ITGA7: variants seen among roughly 807,000 people sequenced by gnomAD.
ITGA7 encodes the protein integrin subunit alpha 7.
ITGA7 carries 84 observed loss-of-function variants against 131.6 expected under a neutral mutation model. That is an observed-to-expected ratio of 0.64 (90% CI 0.54 to 0.77). ITGA7 has a LOEUF of 0.77. Among genes scored for constraint, ITGA7 ranks in the 30% least tolerant of loss-of-function variants. The probability of loss-of-function intolerance (pLI) is 0.00; values close to 1 mark genes in which losing one functional copy is unlikely to be tolerated. For synonymous variants in ITGA7, 548 were observed against 600.7 expected, an observed-to-expected ratio of 0.91 and a Z score of 1.28; for missense variants, 1,399 against 1,482.9, an observed-to-expected ratio of 0.94 and a Z score of 0.93.
At chr12:55,687,145 G>C (rs1870331698) in intron 24 of ITGA7, among the ~76,000 whole-genome samples, 1 of 146,782 alleles carries the variant, frequency 6.8e-6, no homozygotes, top group Non-Finnish European at 1.5e-5. Context: ...TAAAATCCCT[G>C]AGAACGAGAT....
At chr12:55,693,351 T>C (rs775681179) in intron 19 of ITGA7, 34 bp from the exon 20 acceptor site, 8 of 1,401,360 alleles carry the variant, frequency 5.7e-6, no homozygotes, top group Non-Finnish European at 7.0e-6. Context: ...GGGAGAGACC[T>C]CAGTTTTTCT....
At chr12:55,716,067 C>G (rs539287589), upstream of ITGA7, 37 of 1,565,094 alleles carry the variant, frequency 2.4e-5, no homozygotes, top group East Asian at 7.7e-4. Flanking sequence ...CCCGGGGAGC[C>G]GAGGTGAGCG....
intron 3 of ITGA7, among the ~76,000 whole-genome samples, chr12:55,702,506 G>T (rs1874277821): frequency 1.3e-5 from 2 of 151,976 alleles, no homozygotes; most frequent in South Asian, 2.1e-4. Flanking sequence ...GGAGAGACAG[G>T]GTTTCGCCAT....
In ITGA7 at chr12:55,696,885, G is replaced by T. The variant is rs891075590; in HGVS notation, c.1737+14C>A. The T allele has an allele frequency of 5.6e-5, 91 of 1,613,994 alleles. No individual in the cohort carries two copies. Among genetic ancestry groups the T allele is most frequent in the Non-Finnish European group, 7.7e-5 (91 of 1,179,886 alleles). On this transcript the variant is annotated intron_variant, in intron 12 of 24. Transcript: ENST00000257879. ...ATGAAAATGACCCTCAGAAGCCAAG[G>T]GGTCAGTGTCCACCTGGAGCTGGAA...
chr12:55,693,403 T>G, intron 19 of ITGA7, 86 bp from the exon 20 acceptor site: 1 of 1,204,600 alleles, frequency 8.3e-7, no homozygotes, highest in African/African-American at 1.5e-5. Context: ...AGGATCTATG[T>G]TGCCCAGGCT....
chr12:55,703,969 T>G (rs1874638113), intron 1 of ITGA7, among the ~76,000 whole-genome samples: 1 of 152,350 alleles, frequency 6.6e-6, no homozygotes, highest in Middle Eastern at 3.4e-3. Context: ...TACAACTTTC[T>G]TGGCAGGACA....
At chr12:55,695,189 G>C in intron 14 of ITGA7, 2 of 605,616 alleles carry the variant, frequency 3.3e-6, no homozygotes, top group South Asian at 3.9e-5. Context: ...CCTTGGCCAA[G>C]TAACTTAACC....
upstream of ITGA7, chr12:55,715,933 C>T (rs1408750992): frequency 1.6e-6 from 2 of 1,268,350 alleles, no homozygotes; most frequent in East Asian, 5.4e-5. Flanking sequence ...AACTAAGCTC[C>T]CAATAAAGAA....
upstream of ITGA7, among the ~76,000 whole-genome samples, chr12:55,709,246 G>A (rs1231622312): frequency 6.6e-6 from 1 of 151,954 alleles, no homozygotes; most frequent in Non-Finnish European, 1.5e-5. Flanking sequence ...ATATTCTTAC[G>A]ATTCTTTCTT....
At position 55,697,996 on chromosome 12, in the gene ITGA7, T is replaced by A. The variant is rs371155810; in HGVS notation, c.1223A>T (p.Asp408Val). The change falls in exon 8 of 25, where the codon GAT (aspartate) becomes GTT (valine). Residue 408 changes from aspartate (D) to valine (V), a missense_variant. Coordinates refer to ENST00000257879, the MANE Select transcript of ITGA7 (RefSeq NM_002206.3). ...CCCATGGTAGATGAAGACTTTCCCATCACCATCAAAGGGGGCACCCACTGC... is the reference window on the plus strand; with the variant it reads ...CCCATGGTAGATGAAGACTTTCCCAACACCATCAAAGGGGGCACCCACTGC... ...DIAVGAPFDG[D>V]GKVFIYHGSS... 1 of 1,614,016 alleles carries A rather than the reference T, an allele frequency of 6.2e-7. No homozygotes were observed. The highest frequency in any genetic ancestry group is 1.3e-5 in the African/African-American group (1 of 74,976).
chr12:55,688,153 C>T, intron 23 of ITGA7, 49 bp downstream of exon 23: 1 of 1,613,800 alleles, frequency 6.2e-7, no homozygotes, highest in East Asian at 2.2e-5. Context: ...CTGGAGGGAG[C>T]AGGAAAGAAG....
rs61094294 is a variant in ITGA7 at position 55,695,743 on chromosome 12, G to A, written c.1888-106C>T. The A allele has an allele frequency of 0.019, 14,501 of 779,248 alleles. 1,083 individuals are homozygous for A. Among genetic ancestry groups the A allele is most frequent in the African/African-American group, 0.18 (10,866 of 58,990 alleles). 48.3% of individuals were successfully genotyped at this position (779,248 alleles called of 1,614,324 possible). ...AGAGTATCACAGGATTAAACAACCT[G>A]TCCTCAACTCTCAGATCTGCTGCTT... is the stretch of plus-strand genomic sequence containing the variant. On this transcript the variant is annotated intron_variant, in intron 13 of 24. Transcript: ENST00000257879.
At position 55,701,142 on chromosome 12, in the gene ITGA7, G is replaced by A. The variant is rs17854600; in HGVS notation, c.427C>T (p.Arg143Ter). The change falls in exon 4 of 25, where the codon CGA becomes TGA. Residue 143 changes from arginine (R) to a stop codon, truncating the protein, a stop_gained. Coordinates refer to ENST00000257879, the MANE Select transcript of ITGA7 (RefSeq NM_002206.3). LOFTEE classifies it high-confidence loss of function. ...TCCACTCGCTGCCTTGCCTCATATC[G>A]GTGTGCACAGGTCTGGGGGAGGAAG... ...PGGKIVTCAH[R>*]YEARQRVDQI... is the part of the protein sequence containing the mutation. 32 of 1,614,068 alleles carry A rather than the reference G, an allele frequency of 2.0e-5. 1 individual carries two copies. The African/African-American group carries it at 2.0e-4, about 10-fold the overall frequency.
At chr12:55,698,170 T>C (rs1381596926) in intron 7 of ITGA7, 144 bp from the exon 8 acceptor site, 22 of 888,668 alleles carry the variant, frequency 2.5e-5, no homozygotes, top group Non-Finnish European at 3.2e-5. Flanking sequence ...TACATCATCT[T>C]TAATCCTCTT....
In ITGA7 at chr12:55,694,578, A is replaced by G. The variant is rs374328052; in HGVS notation, c.2277+37T>C. 1.9e-6 allele frequency: 3 copies of G among 1,612,772 alleles called. No homozygotes were observed. Among genetic ancestry groups the G allele is most frequent in the African/African-American group, 1.3e-5 (1 of 74,866 alleles). ...AGGGGTGGTCTACGGGCTTATGGAG[A>G]GGCTACTCACGTAGGGATAAGGGCA... On this transcript the variant is annotated intron_variant, in intron 16 of 24. Transcript: ENST00000257879. The surrounding 1 kb of genome is among the most constrained non-coding windows in gnomAD (Gnocchi z 5.3).
chr12:55,700,737 T>C, intron 4 of ITGA7, 162 bp downstream of exon 4: 1 of 913,218 alleles, frequency 1.1e-6, no homozygotes, highest in Non-Finnish European at 1.7e-6. Context: ...GCACCCCCCA[T>C]TCATGTGTGC....
chr12:55,707,377 G>T, intron 1 of ITGA7, 100 bp downstream of exon 1: 2 of 968,864 alleles, frequency 2.1e-6, no homozygotes, highest in Non-Finnish European at 3.2e-6. Flanking sequence ...TCTAGGTCTT[G>T]GTGGGGCTAG....
At chr12:55,696,251 TC>T (rs962653660) in intron 13 of ITGA7, 31 bp downstream of exon 13, 1 of 1,549,904 alleles carries the variant, frequency 6.5e-7, no homozygotes, top group African/African-American at 1.4e-5. Flanking sequence ...TCCCAGCTCC[TC>T]CCCCTGGGCT....
chr12:55,707,330 A>C lies in ITGA7; in HGVS notation c.206+147T>G, dbSNP rs145024151. ...GCTTCAGACGCAAGCCAGATGAGGC[A>C]AGGCTCCAGGTTGGGATGTGGGATG... On this transcript the variant is annotated intron_variant, in intron 1 of 24. Coordinates refer to ENST00000257879, the MANE Select transcript of ITGA7 (RefSeq NM_002206.3). 309 of 679,116 alleles carry C rather than the reference A, an allele frequency of 4.6e-4. 1 individual carries two copies. In the African/African-American group the frequency reaches 5.0e-3, roughly 11 times the overall value. The allele number at this position is 679,116 out of a possible 1,614,324, so 42.1% of individuals were successfully genotyped here.
Sources: gnomAD v4.1 joint callset for allele counts (sites outside exome capture counted in the v4.1 genomes callset) on GRCh38, gnomAD v4.1.1 for gene constraint, Gnocchi (gnomAD v3.1) non-coding constraint, MANE v1.5 for transcripts, NCBI Gene and HGNC (gene_info 2026-07-23, HGNC 2026-07-21) for gene names.